Variants in SLC24A2 observed in about 807,000 individuals in gnomAD.
SLC24A2 encodes the protein sodium/potassium/calcium exchanger 2.
A neutral mutation model predicts 62.0 loss-of-function variants in SLC24A2; 36 were observed. The ratio of observed to expected loss-of-function variants is 0.58; its 90% CI spans 0.44 to 0.77. The LOEUF (loss-of-function observed/expected upper bound fraction) is 0.77. Among genes scored for constraint, SLC24A2 ranks in the 30% least tolerant of loss-of-function variants. SLC24A2 has a pLI of 0.00. For synonymous variants in SLC24A2, 358 were observed against 294.0 expected (o/e 1.22, Z -2.23); for missense variants, 846 against 817.9 (o/e 1.03, Z -0.42).
chr9:20,296,277 A>C, the SLC24A2 span, among the ~76,000 whole-genome samples: 14 of 152,318 alleles, frequency 9.2e-5, no homozygotes, highest in East Asian at 2.5e-3. Context: ...AAACACAAGA[A>C]ATCTCCCCTG....
At chr9:20,246,944 T>C in the SLC24A2 span, among the ~76,000 whole-genome samples, 4 of 152,234 alleles carry the variant, frequency 2.6e-5, no homozygotes, top group South Asian at 2.1e-4. Flanking sequence ...GCAGAGGAGA[T>C]AGCACCAGGA....
the SLC24A2 span, among the ~76,000 whole-genome samples, chr9:20,050,002 A>C: frequency 1.3e-5 from 2 of 152,106 alleles, no homozygotes; most frequent in African/African-American, 4.8e-5. Context: ...GACACAGGGA[A>C]ATACAGCTTT....
chr9:19,601,889 A>G (rs12003183), intron 4 of SLC24A2, among the ~76,000 whole-genome samples: 21,053 of 152,198 alleles, frequency 0.14, 1,599 homozygotes, highest in African/African-American at 0.2. Context: ...CTTAACCTGT[A>G]ACTGACAGAT....
chr9:19,707,468 C>A (rs949641222), intron 2 of SLC24A2, among the ~76,000 whole-genome samples: 6 of 152,304 alleles, frequency 3.9e-5, no homozygotes, highest in African/African-American at 1.2e-4. Flanking sequence ...GAATTTTAGA[C>A]CAGTATCCTT....
chr9:20,116,998 C>T, the SLC24A2 span, among the ~76,000 whole-genome samples: 1 of 152,078 alleles, frequency 6.6e-6, no homozygotes, highest in Non-Finnish European at 1.5e-5. Flanking sequence ...CCACTCAACC[C>T]CCAGGAAATA....
the SLC24A2 span, among the ~76,000 whole-genome samples, chr9:19,947,187 AT>A: frequency 6.6e-6 from 1 of 152,220 alleles, no homozygotes; most frequent in African/African-American, 2.4e-5. Context: ...CTCACTGATT[AT>A]TGAGAAAGCT....
chr9:20,076,825 T>A, the SLC24A2 span, among the ~76,000 whole-genome samples: 2 of 144,870 alleles, frequency 1.4e-5, no homozygotes, highest in African/African-American at 5.0e-5. Context: ...ACAGGCACAC[T>A]GATAAGAAAA....
chr9:20,116,860 A>G, the SLC24A2 span, among the ~76,000 whole-genome samples: 28 of 152,256 alleles, frequency 1.8e-4, no homozygotes, highest in African/African-American at 6.7e-4. Flanking sequence ...AGATCATCCA[A>G]TTGTAATAAA....
At chr9:20,038,630 AAC>A in the SLC24A2 span, among the ~76,000 whole-genome samples, 1,289 of 149,702 alleles carry the variant, frequency 8.6e-3, 45 homozygotes, top group African/African-American at 0.026. Context: ...AAAAGAAACA[AAC>A]AAAAAAAAAA....
the SLC24A2 span, among the ~76,000 whole-genome samples, chr9:19,894,281 T>C: frequency 6.6e-6 from 1 of 152,198 alleles, no homozygotes; most frequent in African/African-American, 2.4e-5. Flanking sequence ...AGATAGTTTT[T>C]CTGTGTGTCC....
At chr9:20,155,201 G>C in the SLC24A2 span, among the ~76,000 whole-genome samples, 1 of 148,374 alleles carries the variant, frequency 6.7e-6, no homozygotes, top group Non-Finnish European at 1.5e-5. Context: ...GAATTAACAA[G>C]GAGCATTGTA....
the SLC24A2 span, among the ~76,000 whole-genome samples, chr9:20,034,193 A>C: frequency 6.6e-6 from 1 of 152,178 alleles, no homozygotes; most frequent in Non-Finnish European, 1.5e-5. Flanking sequence ...CCTTCCTTAC[A>C]AAATAGTTTC....
At chr9:20,227,437 C>G in the SLC24A2 span, among the ~76,000 whole-genome samples, 1 of 151,054 alleles carries the variant, frequency 6.6e-6, no homozygotes, top group Non-Finnish European at 1.5e-5. Flanking sequence ...ATAGCTCAAC[C>G]ATGTGAGGTG....
the SLC24A2 span, among the ~76,000 whole-genome samples, chr9:20,302,117 GTTTA>G: frequency 3.3e-5 from 5 of 152,032 alleles, no homozygotes; most frequent in Non-Finnish European, 1.5e-5. Flanking sequence ...ACATACCACC[GTTTA>G]TTTATCTATT....
chr9:20,284,826 T>C, the SLC24A2 span, among the ~76,000 whole-genome samples: 1 of 152,114 alleles, frequency 6.6e-6, no homozygotes, highest in Admixed American at 6.5e-5. Flanking sequence ...CCCTAGCAAA[T>C]AGAAACAAAA....
the SLC24A2 span, among the ~76,000 whole-genome samples, chr9:20,074,605 A>AGAAG: frequency 9.5e-5 from 5 of 52,906 alleles, no homozygotes; most frequent in African/African-American, 3.0e-4. Context: ...AAGGAAGGAA[A>AGAAG]GAAGGGAGTG....
At chr9:20,224,529 G>C in the SLC24A2 span, among the ~76,000 whole-genome samples, 1 of 152,212 alleles carries the variant, frequency 6.6e-6, no homozygotes, top group Admixed American at 6.5e-5. Context: ...TGCTTTAGGA[G>C]CCATTTGGTT....
At chr9:20,033,287 A>C in the SLC24A2 span, among the ~76,000 whole-genome samples, 4 of 152,306 alleles carry the variant, frequency 2.6e-5, no homozygotes, top group East Asian at 7.7e-4. Context: ...TTCTCCACTT[A>C]ATTGCTGAGC....
chr9:20,114,936 T>A, the SLC24A2 span, among the ~76,000 whole-genome samples: 1 of 152,076 alleles, frequency 6.6e-6, no homozygotes, highest in African/African-American at 2.4e-5. Context: ...ACAAATTTAT[T>A]AAAATGCAAG....
Sources: allele counts gnomAD v4.1 joint callset (sites outside exome capture counted in the v4.1 genomes callset), GRCh38; gene constraint gnomAD v4.1.1; transcripts MANE v1.5; gene names NCBI Gene and HGNC (gene_info 2026-07-23, HGNC 2026-07-21).